The following ZNF609 variants were observed in gnomAD, a reference collection of about 807,000 sequenced individuals.
ZNF609 encodes the protein zinc finger protein 609.
A neutral mutation model predicts 109.5 loss-of-function variants in ZNF609; 11 were observed. The observed-to-expected ratio is 0.10, with a 90% confidence interval of 0.06 to 0.17. The LOEUF (loss-of-function observed/expected upper bound fraction) is 0.17. Ranked by LOEUF, ZNF609 falls within the 10% of genes least tolerant of loss-of-function variation. The pLI, the probability that ZNF609 is intolerant of heterozygous loss-of-function variation, is 1.00. For missense variants in ZNF609, 1,559 were observed against 1,772.4 expected (o/e 0.88, Z 2.16); for synonymous variants, 646 against 662.0 (o/e 0.98, Z 0.37).
chr15:64,542,718 T>C (rs552290405), intron 2 of ZNF609, among the ~76,000 whole-genome samples: 35 of 152,304 alleles, frequency 2.3e-4, no homozygotes, highest in African/African-American at 8.2e-4. Context: ...TCCCATGTCC[T>C]GTGGATGATT....
chr15:64,641,219 C>CTTTCTTTTTTTTTTTTTTT (rs1284761579), intron 3 of ZNF609, among the ~76,000 whole-genome samples: 5 of 69,738 alleles, frequency 7.2e-5, no homozygotes, highest in South Asian at 3.7e-4. Context: ...CTTGTGCTTT[C>CTTTCTTTTTTTTTTTTTTT]TTTTTTTTTT....
intron 2 of ZNF609, among the ~76,000 whole-genome samples, chr15:64,618,162 G>T (rs1895827888): frequency 6.6e-6 from 1 of 151,826 alleles, no homozygotes; most frequent in South Asian, 2.1e-4. Context: ...GTCTTGCTCT[G>T]TTGCACAGGC....
intron 2 of ZNF609, among the ~76,000 whole-genome samples, chr15:64,579,752 T>A (rs1895065939): frequency 6.6e-6 from 1 of 152,174 alleles, no homozygotes; most frequent in South Asian, 2.1e-4. Context: ...TGTTCCCTTC[T>A]TTGTCCTTTG....
intron 2 of ZNF609, among the ~76,000 whole-genome samples, chr15:64,534,397 C>G (rs1416604202): frequency 2.0e-5 from 3 of 152,010 alleles, no homozygotes; most frequent in Non-Finnish European, 4.4e-5. Flanking sequence ...CTGCTGCAAC[C>G]TCCGCCTCCC....
chr15:64,562,558 A>G (rs900608092), intron 2 of ZNF609, among the ~76,000 whole-genome samples: 5 of 152,218 alleles, frequency 3.3e-5, no homozygotes, highest in Admixed American at 1.3e-4. Context: ...TAATCCTTCT[A>G]TATCACAGCC....
intron 2 of ZNF609, among the ~76,000 whole-genome samples, chr15:64,574,087 G>A (rs555380415): frequency 8.5e-4 from 129 of 151,654 alleles, no homozygotes; most frequent in African/African-American, 2.9e-3. Context: ...ATGATTTAGG[G>A]GCCCCTGTTC....
chr15:64,477,308 T>A lies in ZNF609; in HGVS notation c.-128+16470T>A, dbSNP rs948090819. ...GGCGCCTGCCCCCACACCCAGCTAA[T>A]TTTTTGTATTTTTAGTAGAGATGGG... On this transcript the variant is annotated intron_variant, in intron 1 of 9. Coordinates refer to ENST00000326648, the MANE Select transcript of ZNF609 (RefSeq NM_015042.2). 1.4e-4 allele frequency among the ~76,000 whole-genome samples: 21 copies of A among 151,726 alleles called. 1 individual carries two copies. The highest frequency in any genetic ancestry group is 7.8e-4 in the East Asian group (4 of 5,138).
intron 2 of ZNF609, among the ~76,000 whole-genome samples, chr15:64,514,795 C>T (rs569690778): frequency 1.3e-5 from 2 of 152,260 alleles, no homozygotes; most frequent in African/African-American, 4.8e-5. Flanking sequence ...TGCACCACCA[C>T]ACCTGGCTAG....
At chr15:64,600,134 A>G (rs1895470014) in intron 2 of ZNF609, among the ~76,000 whole-genome samples, 2 of 152,206 alleles carry the variant, frequency 1.3e-5, no homozygotes. Context: ...CCTGGCCAAC[A>G]CAGCGAAACC....
At chr15:64,653,768 C>T (rs1334095472) in intron 3 of ZNF609, among the ~76,000 whole-genome samples, 5 of 152,182 alleles carry the variant, frequency 3.3e-5, no homozygotes, top group Non-Finnish European at 2.9e-5. Flanking sequence ...TAGCTCCTTG[C>T]AGATTGAATG....
intron 1 of ZNF609, among the ~76,000 whole-genome samples, chr15:64,476,290 CA>C (rs36013169): frequency 0.053 from 7,775 of 145,472 alleles, 645 homozygotes; most frequent in African/African-American, 0.19. Flanking sequence ...CAAAATAGAC[CA>C]AAAAAAAAAA....
chr15:64,646,739 G>C (rs2140994445), intron 3 of ZNF609, among the ~76,000 whole-genome samples: 1 of 150,856 alleles, frequency 6.6e-6, no homozygotes, highest in Non-Finnish European at 1.5e-5. Context: ...AGGAGTTCGA[G>C]ACCAGCCTGG....
intron 1 of ZNF609, among the ~76,000 whole-genome samples, chr15:64,476,849 C>G (rs1262135628): frequency 6.6e-6 from 1 of 152,122 alleles, no homozygotes; most frequent in African/African-American, 2.4e-5. Context: ...AAGGGAGAAG[C>G]CCAGTATCAT....
At chr15:64,591,952 G>A (rs370978136) in intron 2 of ZNF609, among the ~76,000 whole-genome samples, 4 of 152,048 alleles carry the variant, frequency 2.6e-5, no homozygotes, top group African/African-American at 9.6e-5. Flanking sequence ...CAGGTGATCC[G>A]CCCGCCTTGG....
At chr15:64,502,298 T>G (rs1386500944) in intron 2 of ZNF609, 2 of 152,174 alleles carry the variant, frequency 1.3e-5, no homozygotes, top group African/African-American at 4.8e-5. Context: ...GCTATTGAAA[T>G]AAATAATTAT....
intron 3 of ZNF609, among the ~76,000 whole-genome samples, chr15:64,653,887 A>T (rs919583231): frequency 1.3e-5 from 2 of 152,190 alleles, no homozygotes; most frequent in Non-Finnish European, 2.9e-5. Flanking sequence ...TTGGTAGCAA[A>T]GTCACCAACT....
At chr15:64,622,386 A>C (rs1041728329) in intron 2 of ZNF609, among the ~76,000 whole-genome samples, 1 of 152,172 alleles carries the variant, frequency 6.6e-6, no homozygotes, top group Non-Finnish European at 1.5e-5. Flanking sequence ...TGTTTGCTGA[A>C]TGATAGATTG....
intron 3 of ZNF609, among the ~76,000 whole-genome samples, chr15:64,668,952 CAAAAA>C (rs538954402): frequency 5.7e-5 from 2 of 34,966 alleles, no homozygotes; most frequent in Non-Finnish European, 1.1e-4. Flanking sequence ...AACTCCGTCT[CAAAAA>C]AAAAAAAAAA....
At chr15:64,604,817 T>G (rs1013165369) in intron 2 of ZNF609, among the ~76,000 whole-genome samples, 1 of 151,972 alleles carries the variant, frequency 6.6e-6, no homozygotes, top group Non-Finnish European at 1.5e-5. Context: ...ATTTATTTAG[T>G]TATTTATTCA....
Sources: gnomAD v4.1 joint callset for allele counts (sites outside exome capture counted in the v4.1 genomes callset) on GRCh38, gnomAD v4.1.1 for gene constraint, MANE v1.5 for transcripts, NCBI Gene and HGNC (gene_info 2026-07-23, HGNC 2026-07-21) for gene names.